FREM2: variants seen among roughly 807,000 people sequenced by gnomAD.
FREM2 encodes FRAS1-related extracellular matrix protein 2.
A neutral mutation model predicts 219.9 loss-of-function variants in FREM2; 119 were observed. That is an observed-to-expected ratio of 0.54 (90% CI 0.47 to 0.63). FREM2 has a LOEUF of 0.63. Ranked by LOEUF, FREM2 falls within the 30% of genes least tolerant of loss-of-function variation. The pLI is 0.00. For missense variants in FREM2, 4,030 were observed against 3,993.6 expected (o/e 1.01, Z -0.25); for synonymous variants, 1,562 against 1,522.8 (o/e 1.03, Z -0.60).
At chr13:38,785,034 G>T (rs528738485) in intron 6 of FREM2, among the ~76,000 whole-genome samples, 1 of 152,180 alleles carries the variant, frequency 6.6e-6, no homozygotes, top group Non-Finnish European at 1.5e-5. Flanking sequence ...AGTTTTTTCC[G>T]CTGCGCCGTT....
At position 38,687,183 on chromosome 13, in the gene FREM2, C is replaced by A; in HGVS notation, c.-162C>A. The A allele has an allele frequency of 9.9e-7, 1 of 1,013,008 alleles. No individual in the cohort carries two copies. The highest frequency in any genetic ancestry group is 1.5e-6 in the Non-Finnish European group (1 of 689,582). The allele number at this position is 1,013,008 out of a possible 1,614,324, so 62.8% of individuals were successfully genotyped here. On this transcript the variant is annotated 5_prime_UTR_variant, in exon 1 of 24. Transcript: ENST00000280481. ...GCTGCGGCTCCAGCCCGGACGGCGC[C>A]GCGCAACTTTGCCATCCTTCTGGCC...
Position 38,689,838 on chromosome 13 carries a change from A to T in FREM2, c.2494A>T (p.Ile832Phe). 1 of 1,614,160 alleles carries T rather than the reference A, an allele frequency of 6.2e-7. No homozygotes were observed. The highest frequency in any genetic ancestry group is 8.5e-7 in the Non-Finnish European group (1 of 1,180,034). The change falls in exon 1 of 24, where the codon ATC becomes TTC. Residue 832 changes from isoleucine to phenylalanine, a missense_variant. Ile to Phe is a conservative substitution (Grantham distance 21). Transcript: ENST00000280481. ...LHPVDNQPPE[I>F]LNTGFTIQEK... Reference sequence around the variant, plus strand: ...TCCCGTGGACAACCAGCCACCTGAGATCCTCAACACCGGCTTCACTATTCA... The same window carrying T: ...TCCCGTGGACAACCAGCCACCTGAGTTCCTCAACACCGGCTTCACTATTCA...
intron 15 of FREM2, among the ~76,000 whole-genome samples, chr13:38,863,938 T>G (rs546989178): frequency 6.6e-6 from 1 of 152,262 alleles, no homozygotes; most frequent in South Asian, 2.1e-4. Context: ...GTTCAAGCAA[T>G]TCTCCTGCCT....
At chr13:38,734,157 GCA>G (rs1163662645) in intron 2 of FREM2, among the ~76,000 whole-genome samples, 1 of 150,454 alleles carries the variant, frequency 6.6e-6, no homozygotes. Context: ...GCTTTGATTT[GCA>G]CACACACAAA....
chr13:38,802,906 G>A (rs988555385), intron 6 of FREM2, among the ~76,000 whole-genome samples: 2 of 152,100 alleles, frequency 1.3e-5, no homozygotes, highest in Non-Finnish European at 2.9e-5. Flanking sequence ...TACCCTTTCC[G>A]CACTTGTGGG....
At chr13:38,814,527 T>C (rs1237054944) in intron 6 of FREM2, among the ~76,000 whole-genome samples, 1 of 152,192 alleles carries the variant, frequency 6.6e-6, no homozygotes, top group Non-Finnish European at 1.5e-5. Flanking sequence ...GTCTCTGTGC[T>C]GAGCCACCTG....
chr13:38,777,268 GGCCATCTCTCT>G (rs1461312387), intron 4 of FREM2, among the ~76,000 whole-genome samples: 3 of 152,086 alleles, frequency 2.0e-5, no homozygotes, highest in Non-Finnish European at 4.4e-5. Context: ...CTACTGCAAT[GGCCATCTCTCT>G]GCCTTAGCAG....
chr13:38,818,891 CA>C (rs890126892), intron 6 of FREM2, among the ~76,000 whole-genome samples: 20 of 145,822 alleles, frequency 1.4e-4, no homozygotes, highest in African/African-American at 4.0e-4. Context: ...GCCTCCGTCT[CA>C]AAAAAAAAAT....
chr13:38,738,565 CAAAAAAAAAAAAA>C lies in FREM2; in HGVS notation c.5264-25725_5264-25713del, dbSNP rs71074478. 8.8e-3 allele frequency among the ~76,000 whole-genome samples: 429 copies of C among 48,500 alleles called. 3 individuals carry two copies. Among genetic ancestry groups the C allele is most frequent in the African/African-American group, 0.026 (396 of 15,244 alleles). 31.8% of individuals were successfully genotyped at this position (48,500 alleles called of 152,430 possible). A position where few individuals can be genotyped will look rare whatever the true frequency, so the allele number is the denominator to read the frequency against. On this transcript the variant is annotated intron_variant, in intron 2 of 23. Transcript: ENST00000280481. ...TGGGCAACAGAGTGAGACTCCATCT[CAAAAAAAAAAAAA>C]AAAAAAAAAAAAAGAGAGATAGAAA...
intron 2 of FREM2, among the ~76,000 whole-genome samples, chr13:38,704,329 C>A (rs1026770886): frequency 1.3e-5 from 2 of 152,082 alleles, no homozygotes; most frequent in African/African-American, 4.8e-5. Context: ...AAGAAGTAGA[C>A]GAATGAGTTA....
At chr13:38,862,119 G>A (rs1474989728) in intron 15 of FREM2, among the ~76,000 whole-genome samples, 1 of 152,170 alleles carries the variant, frequency 6.6e-6, no homozygotes, top group Non-Finnish European at 1.5e-5. Flanking sequence ...TGTGCGGAAG[G>A]CATTTTCAAG....
chr13:38,818,846 C>T (rs1199755652), intron 6 of FREM2, among the ~76,000 whole-genome samples: 1 of 151,612 alleles, frequency 6.6e-6, no homozygotes, highest in Non-Finnish European at 1.5e-5. Flanking sequence ...GAGCCAAGAT[C>T]GCACCACTAC....
Position 38,691,783 on chromosome 13 carries a change from C to T in FREM2, c.4439C>T (p.Thr1480Met), listed in dbSNP as rs773471950. The part of the protein sequence containing the change: ...ECTDQPGVSI[T>M]SFTQLQLAGN... ...ACGGATCAGCCTGGTGTGTCCATCA[C>T]GTCTTTCACTCAGCTGCAACTGGCT... The change falls in exon 1 of 24, where the codon ACG becomes ATG. Residue 1480 changes from threonine to methionine, a missense_variant. Physicochemically the swap from Thr to Met is moderately conservative, Grantham distance 81. Transcript: ENST00000280481. The T allele has an allele frequency of 3.5e-5, 57 of 1,614,072 alleles. No homozygotes were observed. The highest frequency in any genetic ancestry group is 4.4e-5 in the Non-Finnish European group (52 of 1,180,046).
chr13:38,812,471 G>C (rs1875528778), intron 6 of FREM2, among the ~76,000 whole-genome samples: 1 of 151,914 alleles, frequency 6.6e-6, no homozygotes, highest in South Asian at 2.1e-4. Context: ...TATGCTTTTT[G>C]ATTTGAGATT....
Position 38,769,652 on chromosome 13 carries a change from A to G in FREM2, c.5485A>G (p.Asn1829Asp), listed in dbSNP as rs769722842. The G allele has an allele frequency of 2.5e-6, 4 of 1,614,192 alleles. No homozygotes were observed. The Admixed American group carries it at 6.7e-5, about 27-fold the overall frequency. ...CAAAGCACAGAAACAAGTGCAGTTC[A>G]ACCCAGGCCAGACCAGGGCCACATG... ...KGKAQKQVQF[N>D]PGQTRATWRV... Residue 1829 changes from asparagine (N) to aspartate (D), a missense_variant, in exon 4 of 24, where the codon AAC (asparagine) becomes GAC (aspartate). Asn to Asp is a conservative substitution (Grantham distance 23). Transcript: ENST00000280481.
intron 6 of FREM2, among the ~76,000 whole-genome samples, chr13:38,804,327 G>A (rs1185792877): frequency 6.6e-6 from 1 of 150,702 alleles, no homozygotes; most frequent in African/African-American, 2.5e-5. Flanking sequence ...TTTTCCACAT[G>A]AGAAGGATAC....
intron 2 of FREM2, among the ~76,000 whole-genome samples, chr13:38,701,772 A>G (rs1870352725): frequency 6.6e-6 from 1 of 152,070 alleles, no homozygotes; most frequent in Non-Finnish European, 1.5e-5. Flanking sequence ...GTTGCTCCCA[A>G]CATCACAATT....
intron 2 of FREM2, among the ~76,000 whole-genome samples, chr13:38,715,239 A>G (rs746276985): frequency 4.1e-4 from 62 of 152,236 alleles, no homozygotes; most frequent in Non-Finnish European, 7.3e-4. Flanking sequence ...CCAATGCAAT[A>G]GAAGGAAAAA....
intron 4 of FREM2, among the ~76,000 whole-genome samples, chr13:38,773,746 C>T (rs567220818): frequency 2.6e-5 from 4 of 152,058 alleles, no homozygotes; most frequent in South Asian, 4.2e-4. Flanking sequence ...TTTTAACATG[C>T]GCATAGAAAG....
Sources: gnomAD v4.1 joint callset for allele counts (sites outside exome capture counted in the v4.1 genomes callset) on GRCh38, gnomAD v4.1.1 for gene constraint, MANE v1.5 for transcripts, NCBI Gene and HGNC (gene_info 2026-07-23, HGNC 2026-07-21) for gene names.